The following ATOSA variants were observed in gnomAD, a reference collection of about 807,000 sequenced individuals.
ATOSA encodes atos homolog A, also known as atos homolog protein A.
the ATOSA span, among the ~76,000 whole-genome samples, chr15:52,700,635 A>G: frequency 2.0e-5 from 3 of 152,176 alleles, no homozygotes; most frequent in Non-Finnish European, 1.5e-5. Flanking sequence ...CTATCTAGCA[A>G]ACTTGAATGC....
the ATOSA span, among the ~76,000 whole-genome samples, chr15:52,643,027 G>C: frequency 6.6e-6 from 1 of 151,778 alleles, no homozygotes; most frequent in African/African-American, 2.4e-5. Context: ...CATCACACCT[G>C]CCAAACTCAT....
the ATOSA span, chr15:52,605,041 A>C: frequency 1.2e-6 from 1 of 858,522 alleles, no homozygotes; most frequent in East Asian, 3.0e-5. Flanking sequence ...AAGATATTTA[A>C]ATTTTTTTCA....
the ATOSA span, among the ~76,000 whole-genome samples, chr15:52,623,133 T>C: frequency 8.0e-5 from 12 of 150,756 alleles, no homozygotes; most frequent in Admixed American, 8.0e-4. Flanking sequence ...TACTCCCACC[T>C]GGGCAACAGA....
At chr15:52,624,212 C>A in the ATOSA span, among the ~76,000 whole-genome samples, 4 of 152,130 alleles carry the variant, frequency 2.6e-5, no homozygotes. Context: ...CATTACAATC[C>A]TCTTGAGCTT....
the ATOSA span, among the ~76,000 whole-genome samples, chr15:52,640,549 C>A: frequency 1.1e-5 from 1 of 89,682 alleles, no homozygotes; most frequent in Non-Finnish European, 1.9e-5. Flanking sequence ...CCAGCCTGAG[C>A]AACAGAGCAA....
the ATOSA span, among the ~76,000 whole-genome samples, chr15:52,667,987 G>A: frequency 6.6e-6 from 1 of 152,182 alleles, no homozygotes; most frequent in East Asian, 1.9e-4. Flanking sequence ...AGCCATTACG[G>A]AAAACAGTAT....
At chr15:52,662,537 A>G in the ATOSA span, among the ~76,000 whole-genome samples, 41 of 152,154 alleles carry the variant, frequency 2.7e-4, no homozygotes, top group South Asian at 4.6e-3. Flanking sequence ...TTGGGAGGCC[A>G]AGGAGGGCGG....
the ATOSA span, among the ~76,000 whole-genome samples, chr15:52,600,851 T>C: frequency 2.4e-5 from 2 of 84,016 alleles, no homozygotes; most frequent in African/African-American, 1.3e-4. Context: ...TAGAAATATA[T>C]AAAACCACTT....
the ATOSA span, among the ~76,000 whole-genome samples, chr15:52,697,362 C>T: frequency 6.6e-6 from 1 of 152,220 alleles, no homozygotes; most frequent in African/African-American, 2.4e-5. Context: ...CTTTTCACAT[C>T]TTACAGCAGT....
chr15:52,630,599 A>G, the ATOSA span, among the ~76,000 whole-genome samples: 3 of 152,230 alleles, frequency 2.0e-5, no homozygotes, highest in African/African-American at 7.2e-5. Context: ...AAAGGTACAC[A>G]CTGGTGCAAA....
At chr15:52,625,771 C>G in the ATOSA span, among the ~76,000 whole-genome samples, 1 of 152,150 alleles carries the variant, frequency 6.6e-6, no homozygotes, top group Admixed American at 6.5e-5. Flanking sequence ...ATGTAAAACC[C>G]AAACATTCAA....
the ATOSA span, among the ~76,000 whole-genome samples, chr15:52,674,203 A>G: frequency 1.3e-5 from 2 of 152,180 alleles, no homozygotes; most frequent in Non-Finnish European, 2.9e-5. Context: ...TTACCTCTAC[A>G]CTAAGACCAC....
At chr15:52,630,222 T>TAGTTGTAGTAGAACTAA in the ATOSA span, among the ~76,000 whole-genome samples, 1 of 152,194 alleles carries the variant, frequency 6.6e-6, no homozygotes, top group Non-Finnish European at 1.5e-5. Context: ...TTCTACAACT[T>TAGTTGTAGTAGAACTAA]TGTTTCCCAA....
the ATOSA span, chr15:52,608,971 T>C: frequency 6.2e-7 from 1 of 1,612,384 alleles, no homozygotes; most frequent in Non-Finnish European, 8.5e-7. Flanking sequence ...AATCTGTTTG[T>C]CAATAGTGGT....
the ATOSA span, among the ~76,000 whole-genome samples, chr15:52,592,453 C>T: frequency 1.6e-4 from 24 of 152,110 alleles, no homozygotes. Flanking sequence ...TATACTAGTA[C>T]TCAGTATTGT....
the ATOSA span, among the ~76,000 whole-genome samples, chr15:52,603,614 TGTA>T: frequency 7.3e-6 from 1 of 137,574 alleles, no homozygotes; most frequent in Non-Finnish European, 1.6e-5. Context: ...ATGAAGAAAA[TGTA>T]GTATATACAC....
the ATOSA span, among the ~76,000 whole-genome samples, chr15:52,639,917 A>ATT: frequency 7.0e-6 from 1 of 143,472 alleles, no homozygotes; most frequent in African/African-American, 2.5e-5. Flanking sequence ...TACCCAGCTA[A>ATT]TTTTTTTTTT....
chr15:52,582,962 C>T, the ATOSA span, among the ~76,000 whole-genome samples: 1 of 152,116 alleles, frequency 6.6e-6, no homozygotes, highest in Non-Finnish European at 1.5e-5. Context: ...ACAAACATAC[C>T]CTGTAGTGCT....
At chr15:52,666,373 T>C in the ATOSA span, among the ~76,000 whole-genome samples, 843 of 152,314 alleles carry the variant, frequency 5.5e-3, 1 homozygote, top group Non-Finnish European at 0.01. Context: ...CATCTGTATG[T>C]TTCCAGAACC....
Sources: gnomAD v4.1 joint callset for allele counts (sites outside exome capture counted in the v4.1 genomes callset) on GRCh38, gnomAD v4.1.1 for gene constraint, MANE v1.5 for transcripts, NCBI Gene and HGNC (gene_info 2026-07-23, HGNC 2026-07-21) for gene names.